Variants in DOCK5 observed in about 807,000 individuals in gnomAD.
DOCK5 encodes the protein dedicator of cytokinesis protein 5.
Under a neutral mutation model 251.8 loss-of-function variants are expected in DOCK5, and 142 were observed. The ratio of observed to expected loss-of-function variants is 0.56; its 90% CI spans 0.49 to 0.65. DOCK5 has a LOEUF of 0.65. Among genes scored for constraint, DOCK5 ranks in the 30% least tolerant of loss-of-function variants. DOCK5 has a pLI of 0.00. For synonymous variants in DOCK5, 842 were observed against 835.5 expected (o/e 1.01, Z -0.13); for missense variants, 2,111 against 2,312.3 (o/e 0.91, Z 1.79).
rs1316419796 is a variant in DOCK5, at chr8:25,365,151, G to A, written c.3123+447G>A. On this transcript the variant is annotated intron_variant, in intron 30 of 51. Coordinates refer to ENST00000276440, the MANE Select transcript of DOCK5 (RefSeq NM_024940.8). The stretch of plus-strand genomic sequence containing the variant: ...CAAAGGAATTGCAAAACGGATGACC[G>A]CTAGCTCTATTTTCATTCATTCATT... 4.6e-5 allele frequency among the ~76,000 whole-genome samples: 7 copies of A among 152,180 alleles called. No individual in the cohort carries two copies. In the East Asian group the frequency reaches 1.3e-3, roughly 29 times the overall value.
At chr8:25,353,998 AC>A (rs1800516803) in intron 27 of DOCK5, among the ~76,000 whole-genome samples, 2 of 132,500 alleles carry the variant, frequency 1.5e-5, no homozygotes, top group Admixed American at 1.8e-4. Flanking sequence ...ACTGCACTCC[AC>A]CCTGGGTGAC....
At chr8:25,213,364 C>CAAA (rs34974024) in intron 1 of DOCK5, among the ~76,000 whole-genome samples, 9 of 74,592 alleles carry the variant, frequency 1.2e-4, no homozygotes, top group East Asian at 4.5e-4. Context: ...ATGAATGTAG[C>CAAA]AAAAAAAAAA....
At chr8:25,192,262 T>C (rs1312912833) in intron 1 of DOCK5, among the ~76,000 whole-genome samples, 3 of 152,172 alleles carry the variant, frequency 2.0e-5, no homozygotes, top group Non-Finnish European at 2.9e-5. Context: ...GCAGCATGAC[T>C]TATAATCCTT....
intron 1 of DOCK5, among the ~76,000 whole-genome samples, chr8:25,205,113 G>A (rs1249833602): frequency 2.0e-5 from 3 of 152,016 alleles, no homozygotes; most frequent in Admixed American, 1.3e-4. Flanking sequence ...GGCCAGGTTG[G>A]TCTTGAACTC....
At chr8:25,371,259 C>G (rs1265542550) in intron 34 of DOCK5, among the ~76,000 whole-genome samples, 1 of 152,068 alleles carries the variant, frequency 6.6e-6, no homozygotes, top group Non-Finnish European at 1.5e-5. Context: ...ACGATGTTGG[C>G]CAGGGTGGTC....
intron 2 of DOCK5, among the ~76,000 whole-genome samples, chr8:25,264,399 A>G (rs1036971601): frequency 1.3e-5 from 2 of 151,438 alleles, no homozygotes; most frequent in Non-Finnish European, 2.9e-5. Flanking sequence ...AAACCTCATC[A>G]ATGTATATAT....
At chr8:25,276,259 C>T (rs1471657917) in intron 4 of DOCK5, among the ~76,000 whole-genome samples, 1 of 152,146 alleles carries the variant, frequency 6.6e-6, no homozygotes, top group Non-Finnish European at 1.5e-5. Flanking sequence ...AACAATCTGA[C>T]CCTACTTTGA....
At chr8:25,218,410 A>C (rs1802303779) in intron 1 of DOCK5, among the ~76,000 whole-genome samples, 1 of 152,088 alleles carries the variant, frequency 6.6e-6, no homozygotes, top group African/African-American at 2.4e-5. Flanking sequence ...CACCATGACC[A>C]CTGTGCTCTT....
At chr8:25,398,953 G>A (rs1801391550) in intron 45 of DOCK5, among the ~76,000 whole-genome samples, 1 of 152,128 alleles carries the variant, frequency 6.6e-6, no homozygotes, top group Non-Finnish European at 1.5e-5. Context: ...ACGCAAAATG[G>A]GCCATTCACT....
At chr8:25,336,196 C>T (rs769989713) in intron 21 of DOCK5, 43 bp from the exon 22 acceptor site, 1 of 1,591,228 alleles carries the variant, frequency 6.3e-7, no homozygotes, top group Non-Finnish European at 8.6e-7. Flanking sequence ...CTCAGAGTAT[C>T]CTGTTGCTCA....
At chr8:25,272,262 C>T (rs1350133742) in intron 3 of DOCK5, among the ~76,000 whole-genome samples, 2 of 152,164 alleles carry the variant, frequency 1.3e-5, no homozygotes, top group African/African-American at 4.8e-5. Context: ...CTTCTGGGCT[C>T]AAGCGATCCT....
chr8:25,226,558 C>CA (rs1802536770), intron 1 of DOCK5, among the ~76,000 whole-genome samples: 1 of 151,356 alleles, frequency 6.6e-6, no homozygotes, highest in African/African-American at 2.4e-5. Context: ...TGACGTTACC[C>CA]ATGTTTTATT....
chr8:25,344,585 G>T (rs183362146), intron 25 of DOCK5, among the ~76,000 whole-genome samples: 1 of 152,178 alleles, frequency 6.6e-6, no homozygotes, highest in African/African-American at 2.4e-5. Flanking sequence ...GAGCTAGATC[G>T]TATCAGTAGC....
chr8:25,266,377 G>A lies in DOCK5; in HGVS notation c.128-2468G>A, dbSNP rs770599121. Among the ~76,000 whole-genome samples the A allele has an allele frequency of 6.6e-5, 10 of 151,154 alleles. 1 individual carries two copies. The highest frequency in any genetic ancestry group is 3.3e-4 in the Admixed American group (5 of 15,214). On this transcript the variant is annotated intron_variant, in intron 2 of 51. Transcript: ENST00000276440. ...ACTACAGGCACCCGCCACCACGCCC[G>A]GCTAATTTTTTGTATTTTTAGTAGA...
At chr8:25,304,352 G>C (rs954574153) in intron 11 of DOCK5, 25 bp downstream of exon 11, 1 of 1,580,848 alleles carries the variant, frequency 6.3e-7, no homozygotes, top group East Asian at 2.3e-5. Flanking sequence ...ATGTGTCCCA[G>C]GTGACTTGAG....
At position 25,319,677 on chromosome 8, in the gene DOCK5, G is replaced by A; in HGVS notation, c.1542+1G>A. ...GCCCTGTTGGTATGAGACTGTCAAG[G>A]TGAGAATGAGTCATTTGTAACCCCT... On this transcript the variant is annotated splice_donor_variant, in intron 15 of 51. Transcript: ENST00000276440. LOFTEE classifies it high-confidence loss of function. 1.9e-6 allele frequency: 3 copies of A among 1,567,536 alleles called. No homozygotes were observed. Among genetic ancestry groups the A allele is most frequent in the Non-Finnish European group, 2.6e-6 (3 of 1,153,724 alleles).
At position 25,278,609 on chromosome 8, in the gene DOCK5, C is replaced by A; in HGVS notation, c.265C>A (p.Gln89Lys). 1 of 1,613,970 alleles carries A rather than the reference C, an allele frequency of 6.2e-7. No homozygotes were observed. The highest frequency in any genetic ancestry group is 8.5e-7 in the Non-Finnish European group (1 of 1,179,874). Residue 89 changes from glutamine to lysine, a missense_variant, in exon 5 of 52, where the codon CAG (glutamine) becomes AAG (lysine). Gln to Lys is a moderately conservative substitution (Grantham distance 53). This residue lies in a region of DOCK5 where 335 missense variants were observed against 324.9 expected (regional missense o/e 1.03). Coordinates refer to ENST00000276440, the MANE Select transcript of DOCK5 (RefSeq NM_024940.8). ...TVIPGELPLV[Q>K]ELTSTLREWA... is the part of the protein sequence containing the mutation. Reference sequence around the variant, plus strand: ...GATTCCTGGCGAGCTCCCCCTGGTGCAGGAGCTCACGTCCACTCTGCGAGA... The same window carrying A: ...GATTCCTGGCGAGCTCCCCCTGGTGAAGGAGCTCACGTCCACTCTGCGAGA...
In DOCK5 at chr8:25,323,843, T is replaced by C. The variant is rs1162411874; in HGVS notation, c.1616-5T>C. 6.2e-7 allele frequency: 1 copy of C among 1,612,258 alleles called. No homozygotes were observed. Among genetic ancestry groups the C allele is most frequent in the Admixed American group, 1.7e-5 (1 of 59,764 alleles). ...CTGCTCAGACATGTCTTTCTGCCTTTTCAGCCAGAGATAAATCGGAGCGAG... is the reference window on the plus strand; with the variant it reads ...CTGCTCAGACATGTCTTTCTGCCTTCTCAGCCAGAGATAAATCGGAGCGAG... On this transcript the variant is annotated splice_polypyrimidine_tract_variant and splice_region_variant and intron_variant, in intron 16 of 51. Transcript: ENST00000276440.
chr8:25,203,857 C>T (rs1396636652), intron 1 of DOCK5, among the ~76,000 whole-genome samples: 1 of 152,160 alleles, frequency 6.6e-6, no homozygotes, highest in African/African-American at 2.4e-5. Context: ...GTTGTGGAGG[C>T]ATTAGCTAAC....
Sources: gnomAD v4.1 joint callset for allele counts (sites outside exome capture counted in the v4.1 genomes callset) on GRCh38, gnomAD v4.1.1 for gene constraint, gnomAD v4.1.1 regional missense constraint, MANE v1.5 for transcripts, NCBI Gene and HGNC (gene_info 2026-07-23, HGNC 2026-07-21) for gene names.